The following CD300LD variants were observed in gnomAD, a reference collection of about 807,000 sequenced individuals.
The protein encoded by CD300LD is CMRF35-like molecule 5.
A neutral mutation model predicts 20.3 loss-of-function variants in CD300LD; 18 were observed. The observed-to-expected ratio is 0.89, with a 90% CI of 0.61 to 1.32. The LOEUF is 1.32. CD300LD is among the 40% of genes most tolerant of loss of function. CD300LD has a pLI of 0.00. For missense variants in CD300LD, 195 were observed against 226.6 expected (o/e 0.86, Z 0.90); for synonymous variants, 104 against 90.1 (o/e 1.15, Z -0.87).
At chr17:74,586,396 A>G (rs1357122024) in intron 2 of CD300LD, among the ~76,000 whole-genome samples, 1 of 152,224 alleles carries the variant, frequency 6.6e-6, no homozygotes, top group Non-Finnish European at 1.5e-5. Flanking sequence ...AAGGGATCTT[A>G]TAATGCAGCC....
chr17:74,578,883 G>A (rs945262325), downstream of CD300LD, among the ~76,000 whole-genome samples: 11 of 152,212 alleles, frequency 7.2e-5, no homozygotes, highest in South Asian at 2.1e-4. Flanking sequence ...CCAGGCAGGC[G>A]GTACTGAGGA....
chr17:74,590,807 G>T (rs1208747952), intron 1 of CD300LD: 1 of 152,186 alleles, frequency 6.6e-6, no homozygotes, highest in African/African-American at 2.4e-5. Context: ...GCTGGGTGTG[G>T]TAGCTCACAC....
rs539739755 is a variant in CD300LD, at chr17:74,589,512, G to A, written c.41-663C>T. Among the ~76,000 whole-genome samples the A allele has an allele frequency of 1.5e-4, 23 of 152,286 alleles. 1 individual carries two copies. The South Asian group carries it at 4.8e-3, about 32-fold the overall frequency. On this transcript the variant is annotated intron_variant, in intron 1 of 3. Coordinates refer to ENST00000375352, the MANE Select transcript of CD300LD (RefSeq NM_001115152.2). ...TTCAACACCCTTCTGCATCTTATAA[G>A]TTCTTCTCTAAACATAATGGACATG...
chr17:74,588,887 C>G, intron 1 of CD300LD, 38 bp from the exon 2 acceptor site: 1 of 1,499,824 alleles, frequency 6.7e-7, no homozygotes, highest in African/African-American at 1.4e-5. Flanking sequence ...ACCTCCCACC[C>G]CAAGGGCAGG....
At chr17:74,591,848 A>G (rs546637655) in intron 1 of CD300LD, 2 of 339,064 alleles carry the variant, frequency 5.9e-6, no homozygotes, top group East Asian at 6.5e-5. Context: ...GTTCTTCAAG[A>G]ATGGACTCAC....
chr17:74,591,740 C>T (rs544713772), intron 1 of CD300LD, among the ~76,000 whole-genome samples: 4 of 144,046 alleles, frequency 2.8e-5, no homozygotes, highest in African/African-American at 1.0e-4. Context: ...ATTTGTGCTA[C>T]AACACAAAGT....
intron 3 of CD300LD, among the ~76,000 whole-genome samples, chr17:74,580,532 G>A (rs2030010939): frequency 6.6e-6 from 1 of 152,156 alleles, no homozygotes; most frequent in South Asian, 2.1e-4. Context: ...TCATATTCTT[G>A]AAGGCCTTGG....
rs752361854 is a variant in CD300LD, at chr17:74,588,791, G to A, written c.99C>T (p.Gly33=). The change falls in exon 2 of 4, where the codon GGC becomes GGT. Residue 33 remains glycine, a synonymous_variant. Coordinates refer to ENST00000375352, the MANE Select transcript of CD300LD (RefSeq NM_001115152.2). ...GPTTVNGSEQ[G]SLTVQCAYGS... The stretch of plus-strand genomic sequence containing the variant: ...CATAAGCACACTGCACAGTCAATGA[G>A]CCCTGCTCCGAGCCATTCACTGTTG... The A allele has an allele frequency of 1.2e-6, 2 of 1,614,174 alleles. No individual in the cohort carries two copies. Among genetic ancestry groups the A allele is most frequent in the Non-Finnish European group, 1.7e-6 (2 of 1,180,012 alleles).
Position 74,588,519 on chromosome 17 carries a change from A to G in CD300LD, c.371T>C (p.Ile124Thr). 1 of 1,607,592 alleles carries G rather than the reference A, an allele frequency of 6.2e-7. No homozygotes were observed. Among genetic ancestry groups the G allele is most frequent in the Non-Finnish European group, 8.5e-7 (1 of 1,175,562 alleles). The stretch of plus-strand genomic sequence containing the variant: ...TATACACTCCCTCTTACCTGGGTTA[A>G]TGGTCACTTGAACTTTGACCCCAAG... ...IDLGVKVQVT[I>T]NPGTQTAVSE... The change falls in exon 2 of 4, where the codon ATT becomes ACT. Residue 124 changes from isoleucine (I) to threonine (T), a missense_variant. Physicochemically the swap from Ile to Thr is moderately conservative, Grantham distance 89 (BLOSUM62 -1). Coordinates refer to ENST00000375352, the MANE Select transcript of CD300LD (RefSeq NM_001115152.2).
intron 1 of CD300LD, among the ~76,000 whole-genome samples, chr17:74,591,262 A>AAT (rs1555650248): frequency 4.1e-4 from 47 of 114,080 alleles, no homozygotes; most frequent in East Asian, 1.2e-3. Flanking sequence ...AAAAAAAAAA[A>AAT]AATAAAAATA....
intron 2 of CD300LD, among the ~76,000 whole-genome samples, chr17:74,583,478 T>C (rs2030083985): frequency 6.6e-6 from 1 of 152,190 alleles, no homozygotes; most frequent in Non-Finnish European, 1.5e-5. Context: ...GATCTCGGAC[T>C]TCCAGCCTCC....
At chr17:74,586,179 T>C (rs1191370688) in intron 2 of CD300LD, among the ~76,000 whole-genome samples, 1 of 152,178 alleles carries the variant, frequency 6.6e-6, no homozygotes, top group Non-Finnish European at 1.5e-5. Context: ...ATCTGTGAGA[T>C]GTACAAAAAA....
In CD300LD at chr17:74,579,654, C is replaced by T; in HGVS notation, c.*348G>A. On this transcript the variant is annotated 3_prime_UTR_variant, in exon 4 of 4. Transcript: ENST00000375352. Reference sequence around the variant, plus strand: ...AATCCCACCACTTTGGGAGGCGAAGCGGGAGGATCTCTTGAGGTCAAGAGT... The same window carrying T: ...AATCCCACCACTTTGGGAGGCGAAGTGGGAGGATCTCTTGAGGTCAAGAGT... The T allele has an allele frequency of 5.8e-6, 1 of 173,626 alleles. No homozygotes were observed. The highest frequency in any genetic ancestry group is 1.3e-4 in the South Asian group (1 of 7,678). The allele number at this position is 173,626 out of a possible 1,614,324, so 10.8% of individuals were successfully genotyped here.
chr17:74,585,588 C>A (rs566888686), intron 2 of CD300LD, among the ~76,000 whole-genome samples: 1 of 152,144 alleles, frequency 6.6e-6, no homozygotes, highest in Non-Finnish European at 1.5e-5. Flanking sequence ...CCATAAGGCC[C>A]GATCCAAATA....
intron 3 of CD300LD, 55 bp downstream of exon 3, chr17:74,582,163 G>T: frequency 2.1e-6 from 3 of 1,443,874 alleles, no homozygotes; most frequent in South Asian, 1.2e-5. Context: ...CCCTGTTAGA[G>T]GAGAGGCCAT....
downstream of CD300LD, among the ~76,000 whole-genome samples, chr17:74,578,962 A>G (rs1009048969): frequency 6.6e-6 from 1 of 152,152 alleles, no homozygotes; most frequent in African/African-American, 2.4e-5. Flanking sequence ...AGTCCCCAAA[A>G]TGTATGGGTG....
chr17:74,587,037 T>C (rs2030179669), intron 2 of CD300LD, among the ~76,000 whole-genome samples: 1 of 152,042 alleles, frequency 6.6e-6, no homozygotes, highest in African/African-American at 2.4e-5. Flanking sequence ...TAATCCCAGC[T>C]ACTCGGGAGG....
intron 1 of CD300LD, among the ~76,000 whole-genome samples, chr17:74,589,395 A>G (rs1161019027): frequency 6.6e-6 from 1 of 152,258 alleles, no homozygotes. Context: ...TTCGCCATAC[A>G]GTGTTATAAA....
intron 1 of CD300LD, among the ~76,000 whole-genome samples, chr17:74,591,034 C>T (rs2030299156): frequency 6.8e-6 from 1 of 147,420 alleles, no homozygotes; most frequent in Non-Finnish European, 1.5e-5. Flanking sequence ...CTGATCCCAG[C>T]ACTGTACTCC....
Sources: allele counts gnomAD v4.1 joint callset (sites outside exome capture counted in the v4.1 genomes callset), GRCh38; gene constraint gnomAD v4.1.1; transcripts MANE v1.5; gene names NCBI Gene and HGNC (gene_info 2026-07-23, HGNC 2026-07-21).